ZFP1: variants seen among roughly 807,000 people sequenced by gnomAD.
ZFP1 encodes the protein zinc finger protein 1 homolog.
ZFP1 carries 32 observed loss-of-function variants against 38.5 expected under a neutral mutation model. The observed-to-expected ratio is 0.83, with a 90% CI of 0.63 to 1.12. ZFP1 has a LOEUF of 1.12. Ranked by LOEUF, ZFP1 falls within the 50% of genes most tolerant of loss-of-function variation. The pLI, the probability that ZFP1 is intolerant of heterozygous loss-of-function variation, is 0.00. For missense variants in ZFP1, 616 were observed against 480.8 expected (o/e 1.28, Z -2.63); for synonymous variants, 245 against 168.8 (o/e 1.45, Z -3.50).
intron 2 of ZFP1, chr16:75,166,438 C>T (rs978006746): frequency 2.1e-6 from 1 of 485,712 alleles, no homozygotes; most frequent in Non-Finnish European, 2.7e-6. Flanking sequence ...GTTGTCCAGG[C>T]TGGTCTCGAA....
the ZFP1 span, among the ~76,000 whole-genome samples, chr16:75,123,380 ATG>A: frequency 9.6e-5 from 14 of 146,000 alleles, 1 homozygote; most frequent in South Asian, 1.3e-3. Flanking sequence ...ATATATATAT[ATG>A]TGTATATATA....
chr16:75,137,852 C>A, the ZFP1 span, among the ~76,000 whole-genome samples: 2 of 151,894 alleles, frequency 1.3e-5, no homozygotes, highest in Admixed American at 1.3e-4. Context: ...GCTAGGATTC[C>A]ATCACTGTAC....
chr16:75,152,637 A>G lies in ZFP1; in HGVS notation c.-43-272A>G, dbSNP rs191720208. On this transcript the variant is annotated intron_variant, in intron 1 of 3. Coordinates refer to ENST00000570010, the MANE Select transcript of ZFP1 (RefSeq NM_153688.4). The stretch of plus-strand genomic sequence containing the variant: ...ATAGTTGTGTTAAATGCCCTGTCTG[A>G]TAATTTCAGCAGTTGAGGGTTCTGT... Among the ~76,000 whole-genome samples the G allele has an allele frequency of 9.8e-5, 15 of 152,330 alleles. No individual in the cohort carries two copies. In the East Asian group the frequency reaches 2.7e-3, roughly 27 times the overall value.
Position 75,172,106 on chromosome 16 carries a change from A to G in ZFP1, c.*1772A>G, listed in dbSNP as rs1297221504. 6.6e-6 allele frequency: 1 copy of G among 152,216 alleles called. No individual in the cohort carries two copies. Among genetic ancestry groups the G allele is most frequent in the Admixed American group, 6.5e-5 (1 of 15,278 alleles). 9.4% of individuals were successfully genotyped at this position (152,216 alleles called of 1,614,324 possible). On this transcript the variant is annotated 3_prime_UTR_variant, in exon 4 of 4. Coordinates refer to ENST00000570010, the MANE Select transcript of ZFP1 (RefSeq NM_153688.4). ...TAAAAACATACCATGGCTGAATGGT[A>G]TTTCCTTGAAAAGAATGTGTGGGAA...
the ZFP1 span, among the ~76,000 whole-genome samples, chr16:75,135,793 A>G: frequency 1.3e-5 from 2 of 152,174 alleles, no homozygotes; most frequent in East Asian, 1.9e-4. Flanking sequence ...ACAAGTTTTT[A>G]TCTTTATTAT....
Position 75,169,478 on chromosome 16 carries a change from A to G in ZFP1, c.368A>G (p.Asn123Ser). The change falls in exon 4 of 4, where the codon AAT (asparagine) becomes AGT (serine). Residue 123 changes from asparagine (N) to serine (S), a missense_variant. Physicochemically the swap from Asn to Ser is conservative, Grantham distance 46. Coordinates refer to ENST00000570010, the MANE Select transcript of ZFP1 (RefSeq NM_153688.4). ...TATAATTCAGACTTGCTTAATAGTAATAGAAGCTATGCAGGAAAGCAGACT... is the reference window on the plus strand; with the variant it reads ...TATAATTCAGACTTGCTTAATAGTAGTAGAAGCTATGCAGGAAAGCAGACT... ...LKYNSDLLNS[N>S]RSYAGKQTDE... The G allele has an allele frequency of 6.2e-7, 1 of 1,612,976 alleles. No homozygotes were observed. The highest frequency in any genetic ancestry group is 2.2e-5 in the East Asian group (1 of 44,876).
Position 75,152,902 on chromosome 16 carries a change from A to T in ZFP1, c.-43-7A>T. On this transcript the variant is annotated splice_polypyrimidine_tract_variant and splice_region_variant and intron_variant, in intron 1 of 3. Coordinates refer to ENST00000570010, the MANE Select transcript of ZFP1 (RefSeq NM_153688.4). ...ATAACAATGCCTTCCTTTTTCCTCT[A>T]TTCCAGTTCTGCCTTCATAGTTCTC... 1 of 1,610,974 alleles carries T rather than the reference A, an allele frequency of 6.2e-7. No individual in the cohort carries two copies. The highest frequency in any genetic ancestry group is 1.3e-5 in the African/African-American group (1 of 74,778).
At chr16:75,141,791 C>G in the ZFP1 span, among the ~76,000 whole-genome samples, 2 of 151,176 alleles carry the variant, frequency 1.3e-5, no homozygotes, top group African/African-American at 4.9e-5. Context: ...TGGCTCAAGT[C>G]TGTAATCCCA....
chr16:75,128,348 G>A, the ZFP1 span, among the ~76,000 whole-genome samples: 1 of 152,176 alleles, frequency 6.6e-6, no homozygotes, highest in South Asian at 2.1e-4. Flanking sequence ...CTGGGACAAC[G>A]TTCCATCAAA....
At chr16:75,123,471 A>G in the ZFP1 span, among the ~76,000 whole-genome samples, 35,402 of 106,044 alleles carry the variant, frequency 0.33, 8,233 homozygotes, top group East Asian at 0.64. Flanking sequence ...ATATATATAT[A>G]TATATATATA....
chr16:75,146,159 C>T (rs2036941467), upstream of ZFP1, among the ~76,000 whole-genome samples: 1 of 147,244 alleles, frequency 6.8e-6, no homozygotes, highest in Non-Finnish European at 1.5e-5. Context: ...AGCAACCATG[C>T]TAATTTTTTT....
the ZFP1 span, among the ~76,000 whole-genome samples, chr16:75,122,748 A>T: frequency 6.6e-6 from 1 of 152,250 alleles, no homozygotes; most frequent in Non-Finnish European, 1.5e-5. Flanking sequence ...CACTGTTATC[A>T]TCTTTGTTTC....
At chr16:75,124,998 A>G in the ZFP1 span, among the ~76,000 whole-genome samples, 1 of 152,010 alleles carries the variant, frequency 6.6e-6, no homozygotes, top group Non-Finnish European at 1.5e-5. Context: ...TCACTGGCTA[A>G]GGTCTGGAAT....
upstream of ZFP1, among the ~76,000 whole-genome samples, chr16:75,147,920 C>T (rs1213529107): frequency 6.6e-6 from 1 of 152,264 alleles, no homozygotes; most frequent in East Asian, 1.9e-4. Flanking sequence ...GTGTTCTCAT[C>T]AGACAAATAA....
upstream of ZFP1, among the ~76,000 whole-genome samples, chr16:75,143,595 T>C (rs1893468559): frequency 6.6e-6 from 1 of 151,450 alleles, no homozygotes; most frequent in African/African-American, 2.4e-5. Context: ...TAAAGTATGA[T>C]CTACAGACCC....
chr16:75,137,461 CTTTTTTT>C, the ZFP1 span, among the ~76,000 whole-genome samples: 8 of 89,416 alleles, frequency 8.9e-5, no homozygotes, highest in Non-Finnish European at 1.4e-4. Context: ...AAAAAAAATT[CTTTTTTT>C]TTTTTTTTTT....
intron 2 of ZFP1, among the ~76,000 whole-genome samples, chr16:75,160,440 A>T (rs2037706944): frequency 6.6e-6 from 1 of 151,870 alleles, no homozygotes; most frequent in Non-Finnish European, 1.5e-5. Context: ...TACTAAAAAT[A>T]CAAAATTTAG....
At chr16:75,160,300 A>G (rs2037699070) in intron 2 of ZFP1, among the ~76,000 whole-genome samples, 1 of 152,178 alleles carries the variant, frequency 6.6e-6, no homozygotes, top group Non-Finnish European at 1.5e-5. Context: ...TGAAGGGCCA[A>G]GGTGGGTGGA....
At chr16:75,162,394 T>A (rs1405365498) in intron 2 of ZFP1, among the ~76,000 whole-genome samples, 1 of 152,166 alleles carries the variant, frequency 6.6e-6, no homozygotes, top group Non-Finnish European at 1.5e-5. Flanking sequence ...AGTGCTAGGA[T>A]TACAGGCATG....
Sources: gnomAD v4.1 joint callset for allele counts (sites outside exome capture counted in the v4.1 genomes callset) on GRCh38, gnomAD v4.1.1 for gene constraint, MANE v1.5 for transcripts, NCBI Gene and HGNC (gene_info 2026-07-23, HGNC 2026-07-21) for gene names.